MDGA2: variants seen among roughly 807,000 people sequenced by gnomAD.
MDGA2 encodes MAM domain containing glycosylphosphatidylinositol anchor 2, also known as MAM domain-containing glycosylphosphatidylinositol anchor protein 2.
Under a neutral mutation model 117.8 loss-of-function variants are expected in MDGA2, and 40 were observed. The observed-to-expected ratio is 0.34, with a 90% CI of 0.26 to 0.44. The LOEUF (loss-of-function observed/expected upper bound fraction) is 0.44, where lower values mean the gene tolerates loss of function less well. Ranked by LOEUF, MDGA2 falls within the 20% of genes least tolerant of loss-of-function variation. MDGA2 has a pLI of 1.00. For missense variants in MDGA2, 1,123 were observed against 1,250.6 expected, an observed-to-expected ratio of 0.90 and a Z score of 1.54; for synonymous variants, 452 against 439.0, an observed-to-expected ratio of 1.03 and a Z score of -0.37.
chr14:47,131,657 G>C, intron 5 of MDGA2, 57 bp downstream of exon 5: 1 of 1,360,372 alleles, frequency 7.4e-7, no homozygotes, highest in African/African-American at 1.4e-5. Context: ...GTTAAAGAGA[G>C]TTTTTAAACA....
chr14:47,219,883 AC>A (rs1886237170), intron 2 of MDGA2, among the ~76,000 whole-genome samples: 1 of 152,166 alleles, frequency 6.6e-6, no homozygotes, highest in Non-Finnish European at 1.5e-5. Flanking sequence ...AAGGAAACAT[AC>A]AAAACTCTGT....
At chr14:47,608,176 T>G (rs576898143) in intron 1 of MDGA2, among the ~76,000 whole-genome samples, 2 of 152,288 alleles carry the variant, frequency 1.3e-5, no homozygotes, top group African/African-American at 4.8e-5. Context: ...TATCACTGAA[T>G]GATGCATAGC....
Position 47,673,869 on chromosome 14 carries a change from G to A in MDGA2, c.280+648C>T, listed in dbSNP as rs555251040. Among the ~76,000 whole-genome samples the A allele has an allele frequency of 2.2e-4, 33 of 151,948 alleles. 1 individual carries two copies. Among genetic ancestry groups the A allele is most frequent in the African/African-American group, 7.7e-4 (32 of 41,438 alleles). On this transcript the variant is annotated intron_variant, in intron 1 of 16. Coordinates refer to ENST00000399232, the MANE Select transcript of MDGA2 (RefSeq NM_001113498.3). ...GTCCTGCCCTGGAACCCAGACGCGCGGACTTAGCAGTCCGTTCATTCATGC... is the reference window on the plus strand; with the variant it reads ...GTCCTGCCCTGGAACCCAGACGCGCAGACTTAGCAGTCCGTTCATTCATGC...
chr14:47,546,044 G>A (rs542157222), intron 1 of MDGA2, among the ~76,000 whole-genome samples: 68 of 152,246 alleles, frequency 4.5e-4, no homozygotes, highest in African/African-American at 1.5e-3. Flanking sequence ...AAAAAGTACT[G>A]TATTTAGGAG....
chr14:46,842,060 T>G lies in MDGA2; in HGVS notation c.2990-41A>C, dbSNP rs111875991. The G allele has an allele frequency of 3.8e-3, 5,282 of 1,394,516 alleles. 31 individuals carry two copies. The highest frequency in any genetic ancestry group is 0.025 in the African/African-American group (1,761 of 70,508). 86.4% of individuals were successfully genotyped at this position (1,394,516 alleles called of 1,614,324 possible). On this transcript the variant is annotated intron_variant, in intron 16 of 16. Transcript: ENST00000399232. ...ATAAATGCAAACAAAAAAAGAAGAA[T>G]AATAAGCATTCCACGTAGCTACTAA...
At chr14:47,278,136 GATAA>G (rs1330784745) in intron 2 of MDGA2, among the ~76,000 whole-genome samples, 2 of 151,414 alleles carry the variant, frequency 1.3e-5, no homozygotes, top group Admixed American at 6.6e-5. Flanking sequence ...GAAGAGTCAA[GATAA>G]ATAAATAAAT....
chr14:46,958,455 G>T (rs1885650640), intron 8 of MDGA2, among the ~76,000 whole-genome samples: 1 of 152,156 alleles, frequency 6.6e-6, no homozygotes, highest in Non-Finnish European at 1.5e-5. Flanking sequence ...TTAAATAAAG[G>T]ATTTATATGA....
At chr14:47,261,848 A>G (rs186295821) in intron 2 of MDGA2, among the ~76,000 whole-genome samples, 4 of 152,280 alleles carry the variant, frequency 2.6e-5, no homozygotes, top group African/African-American at 9.6e-5. Flanking sequence ...CCTAGGAAAG[A>G]GTGCACTATA....
intron 11 of MDGA2, among the ~76,000 whole-genome samples, chr14:46,880,143 G>T (rs1882386700): frequency 6.6e-6 from 1 of 151,742 alleles, no homozygotes; most frequent in African/African-American, 2.4e-5. Flanking sequence ...GGCTGCCCAT[G>T]GAGAAACCCC....
chr14:47,143,329 T>C (rs1594665180), intron 4 of MDGA2, among the ~76,000 whole-genome samples: 1 of 152,178 alleles, frequency 6.6e-6, no homozygotes, highest in Non-Finnish European at 1.5e-5. Flanking sequence ...TTTTGAACAT[T>C]TGTCCAAATT....
chr14:47,291,968 T>A (rs1888906388), intron 2 of MDGA2, among the ~76,000 whole-genome samples: 2 of 152,112 alleles, frequency 1.3e-5, no homozygotes, highest in African/African-American at 4.8e-5. Flanking sequence ...ACTTCTAAAT[T>A]CTCTTTCATG....
Position 46,946,393 on chromosome 14 carries a change from CA to C in MDGA2, c.2089+10980del, listed in dbSNP as rs912666823. Among the ~76,000 whole-genome samples the C allele has an allele frequency of 1.3e-3, 188 of 145,346 alleles. 1 individual carries two copies. Among genetic ancestry groups the C allele is most frequent in the Middle Eastern group, 3.5e-3 (1 of 286 alleles). ...ACAAAACAATCTATTAATGTGCCTG[CA>C]AAAAAAAAATGACCTTTTCAAAGGT... On this transcript the variant is annotated intron_variant, in intron 9 of 16. Transcript: ENST00000399232.
intron 8 of MDGA2, among the ~76,000 whole-genome samples, chr14:47,018,767 C>A (rs1214096182): frequency 7.0e-5 from 5 of 71,306 alleles, no homozygotes; most frequent in Non-Finnish European, 1.0e-4. Flanking sequence ...AAAAAAGTCT[C>A]CATTGAGAGA....
intron 3 of MDGA2, among the ~76,000 whole-genome samples, chr14:47,209,107 C>G (rs963700453): frequency 4.6e-5 from 7 of 152,052 alleles, no homozygotes; most frequent in Non-Finnish European, 8.8e-5. Flanking sequence ...TGTCATGCAT[C>G]ACTTTTCCCT....
intron 1 of MDGA2, among the ~76,000 whole-genome samples, chr14:47,628,544 T>C (rs1164631): frequency 1 from 152,327 of 152,374 alleles, 76,140 homozygotes; most frequent in Middle Eastern, 1. Context: ...CAGAACTGCC[T>C]ATAGAGGGTT....
intron 8 of MDGA2, among the ~76,000 whole-genome samples, chr14:46,958,343 C>G (rs138768119): frequency 2.0e-5 from 3 of 151,544 alleles, no homozygotes; most frequent in Non-Finnish European, 4.4e-5. Flanking sequence ...AGCTGATGCA[C>G]AAAAGAAGAC....
chr14:47,291,489 G>A (rs560193555), intron 2 of MDGA2, among the ~76,000 whole-genome samples: 84 of 126,042 alleles, frequency 6.7e-4, no homozygotes, highest in Middle Eastern at 4.0e-3. Flanking sequence ...TAACCCCAAC[G>A]CAACTTGAAA....
chr14:47,080,086 A>G (rs1042684007), intron 6 of MDGA2, among the ~76,000 whole-genome samples: 2 of 152,186 alleles, frequency 1.3e-5, no homozygotes, highest in Non-Finnish European at 2.9e-5. Context: ...TAGAATGAGG[A>G]AAGTATAGGC....
intron 1 of MDGA2, among the ~76,000 whole-genome samples, chr14:47,665,860 T>C (rs2138304364): frequency 1.3e-5 from 1 of 76,614 alleles, no homozygotes; most frequent in South Asian, 4.3e-4. Flanking sequence ...CATGGACTCC[T>C]GCGTTGCCTC....
Sources: allele counts gnomAD v4.1 joint callset (sites outside exome capture counted in the v4.1 genomes callset), GRCh38; gene constraint gnomAD v4.1.1; transcripts MANE v1.5; gene names NCBI Gene and HGNC (gene_info 2026-07-23, HGNC 2026-07-21).